Variants in OR4D10 observed in about 807,000 individuals in gnomAD.
OR4D10 encodes the protein olfactory receptor 4D10.
For synonymous variants in OR4D10, 188 were observed against 153.2 expected (o/e 1.23, Z -1.68); for missense variants, 395 against 378.0 (o/e 1.04, Z -0.37).
chr11:59,477,969 T>C lies in OR4D10; in HGVS notation c.540T>C (p.Asp180=). ...ATGTTCTTGACACTTTCTACTGTGA[T>C]GTCCACCGGGTCCTCAAACTGGCCC... ...GPNVLDTFYC[D]VHRVLKLAHT... Residue 180 remains aspartate, a synonymous_variant, in exon 3 of 3, where the codon GAT becomes GAC. Coordinates refer to ENST00000530162, the MANE Select transcript of OR4D10 (RefSeq NM_001004705.2). 1 of 1,614,206 alleles carries C rather than the reference T, an allele frequency of 6.2e-7. No individual in the cohort carries two copies. Among genetic ancestry groups the C allele is most frequent in the Non-Finnish European group, 8.5e-7 (1 of 1,180,032 alleles).
rs1413861142 is a variant in OR4D10 at position 59,477,631 on chromosome 11, A to G, written c.202A>G (p.Ile68Val). The G allele has an allele frequency of 5.0e-6, 8 of 1,613,916 alleles. No homozygotes were observed. The South Asian group carries it at 7.7e-5, about 16-fold the overall frequency. Residue 68 changes from isoleucine to valine, a missense_variant, in exon 3 of 3, where the codon ATT (isoleucine) becomes GTT (valine). Coordinates refer to ENST00000530162, the MANE Select transcript of OR4D10 (RefSeq NM_001004705.2). ...GTATTTTTTGCTCCATAATTTATCT[A>G]TTGCCGATATCTGCTTCTCTTCCAT... ...PMYFLLHNLS[I>V]ADICFSSITV...
rs772046514 is a variant in OR4D10, at chr11:59,476,845, GA to G, written c.-168-408del. Among the ~76,000 whole-genome samples, 118 of 149,548 alleles carry G rather than the reference GA, an allele frequency of 7.9e-4. No homozygotes were observed. The East Asian group carries it at 9.2e-3, about 12-fold the overall frequency. The stretch of plus-strand genomic sequence containing the variant: ...CAGCAGCGAAATTCTTCCTTTGGGG[GA>G]AAAAAAAATCACCTTTCAGATTTTC... On this transcript the variant is annotated intron_variant, in intron 2 of 2. Coordinates refer to ENST00000530162, the MANE Select transcript of OR4D10 (RefSeq NM_001004705.2).
chr11:59,478,278 C>A lies in OR4D10; in HGVS notation c.849C>A (p.Asn283Lys). Residue 283 changes from asparagine (N) to lysine (K), a missense_variant, in exon 3 of 3, where the codon AAC becomes AAA. By Grantham distance (94) the Asn-to-Lys change is moderately conservative (BLOSUM62 0). Coordinates refer to ENST00000530162, the MANE Select transcript of OR4D10 (RefSeq NM_001004705.2). The stretch of plus-strand genomic sequence containing the variant: ...TCACTGTCATCTCCCCTCTGCTCAA[C>A]CCCTTGATCTACACTCTGAGGAACC... ...VTFTVISPLL[N>K]PLIYTLRNHE... is the part of the protein sequence containing the mutation. The A allele has an allele frequency of 6.2e-7, 1 of 1,613,826 alleles. No individual in the cohort carries two copies.
At position 59,473,832 on chromosome 11, in the gene OR4D10, G is replaced by C. The variant is rs990582274; in HGVS notation, c.-169+39G>C. On this transcript the variant is annotated intron_variant, in intron 2 of 2. Transcript: ENST00000530162. ...ATTGGAAAAAATGATATTGTGTTAA[G>C]GGAGATGCTGGAAATGTGATCCATT... is the stretch of plus-strand genomic sequence containing the variant. 5 of 152,184 alleles carry C rather than the reference G, an allele frequency of 3.3e-5. 1 individual carries two copies. Among genetic ancestry groups the C allele is most frequent in the Admixed American group, 2.0e-4 (3 of 15,278 alleles). The allele number at this position is 152,184 out of a possible 1,614,324, so 9.4% of individuals were successfully genotyped here. A position where few individuals can be genotyped will look rare whatever the true frequency, so the allele number is the denominator to read the frequency against.
chr11:59,478,437 A>G lies in OR4D10; in HGVS notation c.*72A>G. The stretch of plus-strand genomic sequence containing the variant: ...TTATTTTTCCCATGAAGTCATATTC[A>G]TATATTCAAATATATTGTCAAACCA... On this transcript the variant is annotated 3_prime_UTR_variant, in exon 3 of 3. Transcript: ENST00000530162. The G allele has an allele frequency of 7.8e-6, 8 of 1,031,940 alleles. No homozygotes were observed. The South Asian group carries it at 1.1e-4, about 14-fold the overall frequency. The allele number at this position is 1,031,940 out of a possible 1,614,324, so 63.9% of individuals were successfully genotyped here. A position where few individuals can be genotyped will look rare whatever the true frequency, so the allele number is the denominator to read the frequency against.
Position 59,478,065 on chromosome 11 carries a change from C to T in OR4D10, c.636C>T (p.Phe212=). 6.2e-7 allele frequency: 1 copy of T among 1,614,136 alleles called. No homozygotes were observed. Among genetic ancestry groups the T allele is most frequent in the Non-Finnish European group, 8.5e-7 (1 of 1,180,030 alleles). ...NNGLLTTLWF[F]LLLVSYIVIL... is the part of the protein sequence containing the mutation. ...GACTGCTCACCACACTGTGGTTTTT[C>T]CTGCTCCTGGTGTCCTACATAGTCA... The change falls in exon 3 of 3, where the codon TTC becomes TTT. Residue 212 remains phenylalanine, a synonymous_variant. Coordinates refer to ENST00000530162, the MANE Select transcript of OR4D10 (RefSeq NM_001004705.2).
intron 2 of OR4D10, among the ~76,000 whole-genome samples, chr11:59,474,909 A>G (rs984159129): frequency 6.6e-6 from 1 of 151,640 alleles, no homozygotes; most frequent in African/African-American, 2.4e-5. Context: ...ACAAAAAAAA[A>G]AATTAGCCGG....
rs749174244 is a variant in OR4D10 at position 59,478,162 on chromosome 11, A to C, written c.733A>C (p.Thr245Pro). 6.8e-6 allele frequency: 11 copies of C among 1,613,872 alleles called. No individual in the cohort carries two copies. The highest frequency in any genetic ancestry group is 1.6e-4 in the Middle Eastern group (1 of 6,080). ...CATCTCCACCTGCACCTCCCACATCACTGTGGTGACCCTGCATTTCGTGCC... is the reference window on the plus strand; with the variant it reads ...CATCTCCACCTGCACCTCCCACATCCCTGTGGTGACCCTGCATTTCGTGCC... ...KAISTCTSHI[T>P]VVTLHFVPCI... is the part of the protein sequence containing the mutation. Residue 245 changes from threonine to proline, a missense_variant, in exon 3 of 3, where the codon ACT becomes CCT. Coordinates refer to ENST00000530162, the MANE Select transcript of OR4D10 (RefSeq NM_001004705.2).
At chr11:59,475,947 A>T (rs1414865163) in intron 2 of OR4D10, among the ~76,000 whole-genome samples, 1 of 152,232 alleles carries the variant, frequency 6.6e-6, no homozygotes. Context: ...GGGAAGAAAC[A>T]ACTGATCAAC....
Position 59,473,371 on chromosome 11 carries a change from A to T in OR4D10, c.-494A>T, listed in dbSNP as rs1490308002. ...CAGCCACTTGACTTCTCTGTTGTCC[A>T]ATAACATTCTCTTTCCAATTCATAA... On this transcript the variant is annotated 5_prime_UTR_variant, in exon 1 of 3. Transcript: ENST00000530162. 6.6e-6 allele frequency: 1 copy of T among 152,190 alleles called. No homozygotes were observed. The highest frequency in any genetic ancestry group is 2.4e-5 in the African/African-American group (1 of 41,460). The allele number at this position is 152,190 out of a possible 1,614,324, so 9.4% of individuals were successfully genotyped here.
intron 2 of OR4D10, among the ~76,000 whole-genome samples, chr11:59,476,866 A>G (rs1858913821): frequency 6.6e-6 from 1 of 151,880 alleles, no homozygotes; most frequent in African/African-American, 2.4e-5. Flanking sequence ...CACCTTTCAG[A>G]TTTTCAAAAC....
At chr11:59,474,615 T>C (rs183698822) in intron 2 of OR4D10, among the ~76,000 whole-genome samples, 1 of 152,274 alleles carries the variant, frequency 6.6e-6, no homozygotes, top group East Asian at 1.9e-4. Context: ...GAAAGTGTGA[T>C]GATACAGTAT....
chr11:59,477,387 C>A lies in OR4D10; in HGVS notation c.-43C>A. The stretch of plus-strand genomic sequence containing the variant: ...CAAAATAAATATCCCAGTGCTTTCA[C>A]ATGACATGGTTTAAAACCAAAGAGA... On this transcript the variant is annotated 5_prime_UTR_variant, in exon 3 of 3. Transcript: ENST00000530162. 7.1e-7 allele frequency: 1 copy of A among 1,407,784 alleles called. No homozygotes were observed. The highest frequency in any genetic ancestry group is 1.4e-5 in the South Asian group (1 of 69,648). 87.2% of individuals were successfully genotyped at this position (1,407,784 alleles called of 1,614,324 possible). A position where few individuals can be genotyped will look rare whatever the true frequency, so the allele number is the denominator to read the frequency against.
At chr11:59,473,931 G>C (rs944143868) in intron 2 of OR4D10, 138 bp downstream of exon 2, 1 of 152,188 alleles carries the variant, frequency 6.6e-6, no homozygotes, top group Admixed American at 6.5e-5. Flanking sequence ...CTCAGCCTAA[G>C]GTCAATGCAA....
In OR4D10 at chr11:59,477,995, A is replaced by G; in HGVS notation, c.566A>G (p.His189Arg). ...CDVHRVLKLAHTDIFILELLM... is the reference protein window; with the variant it reads ...CDVHRVLKLARTDIFILELLM... ...GTCCACCGGGTCCTCAAACTGGCCC[A>G]TACAGACATTTTCATACTTGAACTA... is the stretch of plus-strand genomic sequence containing the variant. The change falls in exon 3 of 3, where the codon CAT (histidine) becomes CGT (arginine). Residue 189 changes from histidine to arginine, a missense_variant. Transcript: ENST00000530162. 1.2e-6 allele frequency: 2 copies of G among 1,614,138 alleles called. No homozygotes were observed. The highest frequency in any genetic ancestry group is 1.3e-5 in the African/African-American group (1 of 75,020).
In OR4D10 at chr11:59,478,015, G is replaced by C. The variant is rs1858928708; in HGVS notation, c.586G>C (p.Glu196Gln). Reference sequence around the variant, plus strand: ...GGCCCATACAGACATTTTCATACTTGAACTACTAATGATTTCCAACAATGG... The same window carrying C: ...GGCCCATACAGACATTTTCATACTTCAACTACTAATGATTTCCAACAATGG... ...KLAHTDIFIL[E>Q]LLMISNNGLL... is the part of the protein sequence containing the mutation. The change falls in exon 3 of 3, where the codon GAA becomes CAA. Residue 196 changes from glutamate to glutamine, a missense_variant. By Grantham distance (29) the Glu-to-Gln change is conservative (BLOSUM62 2). Coordinates refer to ENST00000530162, the MANE Select transcript of OR4D10 (RefSeq NM_001004705.2). 6.2e-7 allele frequency: 1 copy of C among 1,613,918 alleles called. No individual in the cohort carries two copies.
Position 59,477,668 on chromosome 11 carries a change from A to G in OR4D10, c.239A>G (p.Lys80Arg), listed in dbSNP as rs772720510. Residue 80 changes from lysine (K) to arginine (R), a missense_variant, in exon 3 of 3, where the codon AAG becomes AGG. Physicochemically the swap from Lys to Arg is conservative, Grantham distance 26. Coordinates refer to ENST00000530162, the MANE Select transcript of OR4D10 (RefSeq NM_001004705.2). ...TGCTTCTCTTCCATCACAGTGCCCA[A>G]GGTTCTGGTGGACCTTCTGTCTGAA... ...DICFSSITVPKVLVDLLSERK... is the reference protein window; with the variant it reads ...DICFSSITVPRVLVDLLSERK... 6.2e-7 allele frequency: 1 copy of G among 1,614,144 alleles called. No individual in the cohort carries two copies. The highest frequency in any genetic ancestry group is 8.5e-7 in the Non-Finnish European group (1 of 1,180,028).
rs757466938 is a variant in OR4D10, at chr11:59,477,971, T to G, written c.542T>G (p.Val181Gly). 3 of 1,614,144 alleles carry G rather than the reference T, an allele frequency of 1.9e-6. No homozygotes were observed. The Admixed American group carries it at 5.0e-5, about 27-fold the overall frequency. The change falls in exon 3 of 3, where the codon GTC (valine) becomes GGC (glycine). Residue 181 changes from valine (V) to glycine (G), a missense_variant. Transcript: ENST00000530162. ...PNVLDTFYCD[V>G]HRVLKLAHTD... Reference sequence around the variant, plus strand: ...GTTCTTGACACTTTCTACTGTGATGTCCACCGGGTCCTCAAACTGGCCCAT... The same window carrying G: ...GTTCTTGACACTTTCTACTGTGATGGCCACCGGGTCCTCAAACTGGCCCAT...
At chr11:59,475,060 CAA>C (rs771979917) in intron 2 of OR4D10, among the ~76,000 whole-genome samples, 1 of 66,780 alleles carries the variant, frequency 1.5e-5, no homozygotes, top group Non-Finnish European at 2.7e-5. Flanking sequence ...GACTCTGTCT[CAA>C]AAAAAAAAAA....
Sources: gnomAD v4.1 joint callset for allele counts (sites outside exome capture counted in the v4.1 genomes callset) on GRCh38, gnomAD v4.1.1 for gene constraint, MANE v1.5 for transcripts, NCBI Gene and HGNC (gene_info 2026-07-23, HGNC 2026-07-21) for gene names.